Variants in KIF6 observed in about 807,000 individuals in gnomAD.
KIF6 encodes kinesin-like protein KIF6.
In KIF6, 106 loss-of-function variants were observed where a neutral mutation model predicts 112.7. The ratio of observed to expected loss-of-function variants is 0.94; its 90% CI spans 0.80 to 1.11. KIF6 has a LOEUF of 1.11. Ranked by LOEUF, KIF6 falls within the 50% of genes least tolerant of loss-of-function variation. KIF6 has a pLI of 0.00. For missense variants in KIF6, 929 were observed against 964.0 expected (o/e 0.96, Z 0.48); for synonymous variants, 339 against 339.9 (o/e 1.00, Z 0.03).
chr6:39,363,738 G>C (rs960569338), intron 16 of KIF6, among the ~76,000 whole-genome samples: 1 of 152,166 alleles, frequency 6.6e-6, no homozygotes, highest in Non-Finnish European at 1.5e-5. Context: ...TGTGGTAAGT[G>C]TTATTATGCC....
chr6:39,585,731 A>G (rs1179765036), intron 8 of KIF6, among the ~76,000 whole-genome samples: 1 of 152,226 alleles, frequency 6.6e-6, no homozygotes. Flanking sequence ...TCTTACAATC[A>G]AAGTCTTGGC....
At chr6:39,689,803 CTA>C (rs1561932250) in intron 3 of KIF6, among the ~76,000 whole-genome samples, 2 of 152,052 alleles carry the variant, frequency 1.3e-5, no homozygotes, top group Non-Finnish European at 2.9e-5. Flanking sequence ...CCATGTCTTG[CTA>C]TGTTGCCCAG....
intron 16 of KIF6, among the ~76,000 whole-genome samples, chr6:39,369,300 C>T (rs952820905): frequency 1.3e-5 from 2 of 152,124 alleles, no homozygotes; most frequent in Non-Finnish European, 2.9e-5. Flanking sequence ...CCCAAGCATG[C>T]CCAGATTTAA....
intron 10 of KIF6, among the ~76,000 whole-genome samples, chr6:39,576,834 T>A (rs1781001916): frequency 1.3e-5 from 2 of 152,202 alleles, no homozygotes; most frequent in African/African-American, 4.8e-5. Context: ...CAATTTCCTA[T>A]ATTAAATTCC....
chr6:39,364,311 G>A (rs906805670), intron 16 of KIF6, among the ~76,000 whole-genome samples: 11 of 152,026 alleles, frequency 7.2e-5, no homozygotes, highest in African/African-American at 2.7e-4. Flanking sequence ...AGTAGAGATG[G>A]GGTTTCACCA....
At position 39,343,636 on chromosome 6, in the gene KIF6, A is replaced by G. The variant is rs1017918914; in HGVS notation, c.2428+73T>C. On this transcript the variant is annotated intron_variant, in intron 22 of 22. Coordinates refer to ENST00000287152, the MANE Select transcript of KIF6 (RefSeq NM_145027.6). This position sits in a 1 kb window ranked among gnomAD's most constrained non-coding sequence, Gnocchi z 4.1. ...GCAGGAAACTCCCTACTCCCCTCCC[A>G]CCTCACTGTGTGCTCCCCACAAGTG... 7.8e-7 allele frequency: 1 copy of G among 1,283,634 alleles called. No homozygotes were observed. The highest frequency in any genetic ancestry group is 1.5e-5 in the African/African-American group (1 of 67,838). 79.5% of individuals were successfully genotyped at this position (1,283,634 alleles called of 1,614,324 possible). A position where few individuals can be genotyped will look rare whatever the true frequency, so the allele number is the denominator to read the frequency against.
intron 7 of KIF6, among the ~76,000 whole-genome samples, chr6:39,590,021 G>T (rs1247764406): frequency 1.3e-5 from 2 of 152,130 alleles, no homozygotes; most frequent in Non-Finnish European, 2.9e-5. Flanking sequence ...CAGTATGAAG[G>T]TCATCAGCAT....
intron 15 of KIF6, among the ~76,000 whole-genome samples, chr6:39,408,259 C>T (rs183037773): frequency 3.3e-4 from 50 of 152,278 alleles, no homozygotes; most frequent in Admixed American, 1.6e-3. Flanking sequence ...TGAGTACTGT[C>T]ACACACTGGA....
chr6:39,692,672 C>A (rs550012088), intron 3 of KIF6, among the ~76,000 whole-genome samples: 107 of 152,270 alleles, frequency 7.0e-4, no homozygotes, highest in Non-Finnish European at 1.2e-3. Flanking sequence ...AACCTCCATT[C>A]ATTACTTATT....
chr6:39,369,650 A>C (rs530102135), intron 16 of KIF6, among the ~76,000 whole-genome samples: 2 of 152,134 alleles, frequency 1.3e-5, no homozygotes, highest in South Asian at 4.2e-4. Flanking sequence ...CCTTCTCACC[A>C]GCATGTTCTC....
chr6:39,388,753 G>C (rs1480807943), intron 15 of KIF6, among the ~76,000 whole-genome samples: 1 of 152,138 alleles, frequency 6.6e-6, no homozygotes, highest in Non-Finnish European at 1.5e-5. Context: ...AAATTTGCTG[G>C]TTTTGGCCTG....
intron 13 of KIF6, among the ~76,000 whole-genome samples, chr6:39,530,993 A>G (rs1472129191): frequency 6.6e-6 from 1 of 152,096 alleles, no homozygotes; most frequent in Non-Finnish European, 1.5e-5. Context: ...ATTCATCCAC[A>G]ACAATTTTCA....
chr6:39,369,518 T>C (rs1765810144), intron 16 of KIF6, among the ~76,000 whole-genome samples: 1 of 152,102 alleles, frequency 6.6e-6, no homozygotes, highest in South Asian at 2.1e-4. Flanking sequence ...GCCCTGACAG[T>C]CCCCTCATAG....
At chr6:39,522,550 A>G (rs933145941) in intron 13 of KIF6, among the ~76,000 whole-genome samples, 3 of 152,140 alleles carry the variant, frequency 2.0e-5, no homozygotes, top group African/African-American at 7.2e-5. Flanking sequence ...CTAGTTGTCC[A>G]TCTGTTACAG....
chr6:39,486,919 T>G (rs1206737286), intron 13 of KIF6, among the ~76,000 whole-genome samples: 1 of 152,196 alleles, frequency 6.6e-6, no homozygotes, highest in African/African-American at 2.4e-5. Flanking sequence ...ATCAGTAAGT[T>G]GAATTATAAA....
chr6:39,527,680 CA>C (rs1777812281), intron 13 of KIF6, among the ~76,000 whole-genome samples: 1 of 152,230 alleles, frequency 6.6e-6, no homozygotes, highest in African/African-American at 2.4e-5. Flanking sequence ...ACCATTCTAG[CA>C]ATTTCTCACT....
At chr6:39,394,907 G>A (rs558315190) in intron 15 of KIF6, among the ~76,000 whole-genome samples, 1 of 152,302 alleles carries the variant, frequency 6.6e-6, no homozygotes, top group East Asian at 1.9e-4. Flanking sequence ...ATTTCCCCCC[G>A]TGGGGATTTT....
chr6:39,688,466 G>A (rs1440916610), intron 3 of KIF6, among the ~76,000 whole-genome samples: 1 of 152,122 alleles, frequency 6.6e-6, no homozygotes, highest in African/African-American at 2.4e-5. Flanking sequence ...TACCAGTTGT[G>A]AGGATAAATG....
intron 15 of KIF6, among the ~76,000 whole-genome samples, chr6:39,399,092 G>A (rs959629609): frequency 6.6e-6 from 1 of 152,148 alleles, no homozygotes; most frequent in Non-Finnish European, 1.5e-5. Context: ...CCAGCTTATA[G>A]GCTTGCCCTG....
Sources: allele counts gnomAD v4.1 joint callset (sites outside exome capture counted in the v4.1 genomes callset), GRCh38; gene constraint gnomAD v4.1.1; non-coding constraint Gnocchi (gnomAD v3.1); transcripts MANE v1.5; gene names NCBI Gene and HGNC (gene_info 2026-07-23, HGNC 2026-07-21).